Variants in DNAH14 observed in about 807,000 individuals in gnomAD.
DNAH14 encodes dynein axonemal heavy chain 14.
DNAH14 carries 478 observed loss-of-function variants against 520.9 expected under a neutral mutation model. That is an observed-to-expected ratio of 0.92 (90% CI 0.85 to 0.99). DNAH14 has a LOEUF of 0.99. DNAH14 is among the 50% of genes least tolerant of loss of function. DNAH14 has a pLI of 0.00. For synonymous variants in DNAH14, 1,581 were observed against 1,757.2 expected, an observed-to-expected ratio of 0.90 and a Z score of 2.51; for missense variants, 4,831 against 5,234.5, an observed-to-expected ratio of 0.92 and a Z score of 2.38.
At position 225,306,542 on chromosome 1, in the gene DNAH14, G is replaced by A. The variant is rs1304914298; in HGVS notation, c.9006-919G>A. On this transcript the variant is annotated intron_variant, in intron 58 of 85. Transcript: ENST00000682510. ...CTTCCTCTCACTCCTAACCTCCTGG[G>A]ATCTAAGGTGTCCCCTCCCCATCAT... Among the ~76,000 whole-genome samples, 5 of 152,062 alleles carry A rather than the reference G, an allele frequency of 3.3e-5. 1 individual carries two copies. Among genetic ancestry groups the A allele is most frequent in the African/African-American group, 1.2e-4 (5 of 41,396 alleles).
At chr1:225,263,336 A>T (rs935040248) in intron 46 of DNAH14, among the ~76,000 whole-genome samples, 1 of 151,680 alleles carries the variant, frequency 6.6e-6, no homozygotes, top group Non-Finnish European at 1.5e-5. Flanking sequence ...TCTCTTCCAA[A>T]CCTATCCTTC....
At chr1:225,048,275 T>C (rs569431489) in intron 15 of DNAH14, among the ~76,000 whole-genome samples, 1 of 152,256 alleles carries the variant, frequency 6.6e-6, no homozygotes, top group Non-Finnish European at 1.5e-5. Context: ...CCCAGGTGGG[T>C]GGATCACATG....
At chr1:225,117,164 T>C (rs911904760) in intron 23 of DNAH14, among the ~76,000 whole-genome samples, 4 of 152,100 alleles carry the variant, frequency 2.6e-5, no homozygotes, top group Non-Finnish European at 4.4e-5. Flanking sequence ...GAGACTAGTG[T>C]TAATGCCTCT....
chr1:225,153,717 CTTT>C, intron 33 of DNAH14, 30 bp from the exon 34 acceptor site: 1 of 1,453,398 alleles, frequency 6.9e-7, no homozygotes, highest in Non-Finnish European at 9.4e-7. Flanking sequence ...TCTTTAGAAA[CTTT>C]AATAATTCAA....
At chr1:225,049,795 TATC>T (rs2068359601) in intron 15 of DNAH14, among the ~76,000 whole-genome samples, 1 of 148,440 alleles carries the variant, frequency 6.7e-6, no homozygotes, top group African/African-American at 2.4e-5. Context: ...TCTATCTATC[TATC>T]TATCTATCTA....
chr1:225,343,788 GT>G (rs35549016), intron 69 of DNAH14, among the ~76,000 whole-genome samples: 2 of 136,206 alleles, frequency 1.5e-5, no homozygotes, highest in Admixed American at 7.5e-5. Context: ...TTCTGTATCT[GT>G]TTTTTTTGTA....
At chr1:225,037,667 A>G (rs1426520028) in intron 11 of DNAH14, among the ~76,000 whole-genome samples, 1 of 127,442 alleles carries the variant, frequency 7.8e-6, no homozygotes, top group Non-Finnish European at 1.8e-5. Context: ...TCACCGTTAC[A>G]GTGTTATAAT....
intron 23 of DNAH14, among the ~76,000 whole-genome samples, chr1:225,105,179 C>T (rs2075918322): frequency 6.6e-6 from 1 of 152,120 alleles, no homozygotes; most frequent in African/African-American, 2.4e-5. Context: ...GTTCCTTTTC[C>T]ATGTGGTTGA....
intron 41 of DNAH14, among the ~76,000 whole-genome samples, chr1:225,220,002 C>T (rs1406372464): frequency 6.6e-6 from 1 of 152,164 alleles, no homozygotes; most frequent in Non-Finnish European, 1.5e-5. Context: ...GCTGGTTCAA[C>T]ATATGCAAAT....
At chr1:225,171,096 A>C (rs900390950) in intron 36 of DNAH14, among the ~76,000 whole-genome samples, 1 of 152,236 alleles carries the variant, frequency 6.6e-6, no homozygotes, top group Non-Finnish European at 1.5e-5. Flanking sequence ...AGCATACCAG[A>C]GTCTCTGGGA....
At chr1:225,085,095 A>G (rs936539357) in intron 20 of DNAH14, among the ~76,000 whole-genome samples, 1 of 152,160 alleles carries the variant, frequency 6.6e-6, no homozygotes, top group African/African-American at 2.4e-5. Context: ...TTACTAAAAC[A>G]TAGGGATTGG....
At chr1:225,250,117 G>A (rs891601308) in intron 43 of DNAH14, among the ~76,000 whole-genome samples, 1 of 152,190 alleles carries the variant, frequency 6.6e-6, no homozygotes. Context: ...GGGTCATATT[G>A]TGGTAGTTTT....
At chr1:225,188,893 C>T (rs956630378) in intron 37 of DNAH14, among the ~76,000 whole-genome samples, 1 of 151,848 alleles carries the variant, frequency 6.6e-6, no homozygotes, top group Non-Finnish European at 1.5e-5. Context: ...AAATCTTTCT[C>T]CTATCATTAA....
chr1:225,326,789 T>A (rs2094681891), intron 64 of DNAH14, among the ~76,000 whole-genome samples: 1 of 152,092 alleles, frequency 6.6e-6, no homozygotes, highest in Admixed American at 6.5e-5. Flanking sequence ...GTAAACAAAT[T>A]TAAAAACCTG....
At position 225,140,944 on chromosome 1, in the gene DNAH14, T is replaced by C. The variant is rs1480649845; in HGVS notation, c.4431T>C (p.Leu1477=). The change falls in exon 28 of 86, where the codon CTT becomes CTC. Residue 1477 remains leucine, a synonymous_variant. Coordinates refer to ENST00000682510, the MANE Select transcript of DNAH14 (RefSeq NM_001367479.1). ...CTATACTAGGGGCATTGCTTATCCT[T>C]TATGTTCACTGCAGAGATATAGTGA... ...TKAILGALLI[L]YVHCRDIVIN... 2 of 1,551,316 alleles carry C rather than the reference T, an allele frequency of 1.3e-6. No individual in the cohort carries two copies. Among genetic ancestry groups the C allele is most frequent in the East Asian group, 4.9e-5 (2 of 40,896 alleles).
intron 8 of DNAH14, among the ~76,000 whole-genome samples, chr1:224,992,366 T>G (rs1045515296): frequency 1.3e-5 from 2 of 152,206 alleles, no homozygotes; most frequent in East Asian, 3.8e-4. Context: ...TATTTTATCA[T>G]GTATTTGTGT....
At chr1:225,261,759 A>T (rs1248345158) in intron 46 of DNAH14, among the ~76,000 whole-genome samples, 1 of 152,228 alleles carries the variant, frequency 6.6e-6, no homozygotes, top group South Asian at 2.1e-4. Flanking sequence ...AGCATAAACC[A>T]TCCAATTCTG....
At chr1:225,044,954 C>T (rs188566909) in intron 15 of DNAH14, among the ~76,000 whole-genome samples, 1 of 70,472 alleles carries the variant, frequency 1.4e-5, no homozygotes, top group African/African-American at 3.0e-5. Flanking sequence ...CTACTGCCTT[C>T]TAGCTTTTAA....
At chr1:225,144,682 A>T in intron 29 of DNAH14, 54 bp downstream of exon 29, 1 of 1,390,518 alleles carries the variant, frequency 7.2e-7, no homozygotes, top group Non-Finnish European at 9.7e-7. Context: ...TGTCACACAA[A>T]CTTTGATGTT....
Sources: allele counts gnomAD v4.1 joint callset (sites outside exome capture counted in the v4.1 genomes callset), GRCh38; gene constraint gnomAD v4.1.1; transcripts MANE v1.5; gene names NCBI Gene and HGNC (gene_info 2026-07-23, HGNC 2026-07-21).